Variants in ANO2 observed in about 807,000 individuals in gnomAD.
ANO2 encodes the protein anoctamin-2.
A neutral mutation model predicts 124.2 loss-of-function variants in ANO2; 101 were observed. The observed-to-expected ratio is 0.81, with a 90% CI of 0.69 to 0.96. The LOEUF (loss-of-function observed/expected upper bound fraction) is 0.96. Among genes scored for constraint, ANO2 ranks in the 40% least tolerant of loss-of-function variants. The pLI is 0.00. For synonymous variants in ANO2, 486 were observed against 482.5 expected, an observed-to-expected ratio of 1.01 and a Z score of -0.09; for missense variants, 1,293 against 1,274.5, an observed-to-expected ratio of 1.01 and a Z score of -0.22.
chr12:5,789,730 C>T (rs2137147208), intron 10 of ANO2, among the ~76,000 whole-genome samples: 1 of 152,102 alleles, frequency 6.6e-6, no homozygotes, highest in East Asian at 1.9e-4. Context: ...CTTCCAGACC[C>T]ACAGAATGCT....
intron 10 of ANO2, among the ~76,000 whole-genome samples, chr12:5,792,510 G>C (rs1952727527): frequency 1.3e-5 from 2 of 152,208 alleles, no homozygotes; most frequent in Non-Finnish European, 2.9e-5. Flanking sequence ...AAATCACTGA[G>C]TGATGCAATC....
At chr12:5,838,058 G>A (rs938402395) in intron 4 of ANO2, among the ~76,000 whole-genome samples, 2 of 152,226 alleles carry the variant, frequency 1.3e-5, no homozygotes, top group African/African-American at 4.8e-5. Context: ...AGAAGTTGAT[G>A]CAGATTTCTA....
At chr12:5,802,672 G>A (rs978176482) in intron 9 of ANO2, among the ~76,000 whole-genome samples, 3 of 152,224 alleles carry the variant, frequency 2.0e-5, no homozygotes, top group Admixed American at 6.5e-5. Context: ...GCACAGACAC[G>A]TAACAATCCC....
At position 5,921,199 on chromosome 12, in the gene ANO2, G is replaced by T; in HGVS notation, c.375C>A (p.Ile125=). Residue 125 remains isoleucine, a synonymous_variant, in exon 3 of 25, where the codon ATC becomes ATA. Coordinates refer to ENST00000682330, the MANE Select transcript of ANO2 (RefSeq NM_001364791.2). ...AQGFPGHSLA[I]VSNGETGKEP... The stretch of plus-strand genomic sequence containing the variant: ...CCTTGCCTGTCTCCCCATTGGAGAC[G>T]ATAGCCAGCGAGTGGCCAGGGAAGC... 1 of 1,613,922 alleles carries T rather than the reference G, an allele frequency of 6.2e-7. No homozygotes were observed. The highest frequency in any genetic ancestry group is 8.5e-7 in the Non-Finnish European group (1 of 1,179,850).
At chr12:5,829,454 C>T (rs1954083199) in intron 6 of ANO2, among the ~76,000 whole-genome samples, 1 of 152,170 alleles carries the variant, frequency 6.6e-6, no homozygotes, top group South Asian at 2.1e-4. Context: ...GAGTTAACGC[C>T]ATGTTTGCAG....
At chr12:5,866,279 G>C (rs372148347) in intron 3 of ANO2, among the ~76,000 whole-genome samples, 21 of 152,304 alleles carry the variant, frequency 1.4e-4, no homozygotes, top group East Asian at 1.2e-3. Context: ...CAGCAAGGGG[G>C]ATCAGTGAGA....
At chr12:5,765,306 G>C (rs536512575) in intron 10 of ANO2, among the ~76,000 whole-genome samples, 1 of 152,330 alleles carries the variant, frequency 6.6e-6, no homozygotes, top group East Asian at 1.9e-4. Flanking sequence ...CCCGGGAACA[G>C]TAACTACTCA....
chr12:5,812,704 A>AAAG (rs796202384), intron 7 of ANO2, among the ~76,000 whole-genome samples: 3 of 18,156 alleles, frequency 1.7e-4, no homozygotes, highest in African/African-American at 4.7e-4. Flanking sequence ...AAGAGAAAGA[A>AAAG]AAGAAGAAGA....
intron 14 of ANO2, among the ~76,000 whole-genome samples, chr12:5,667,815 AT>A (rs1230145234): frequency 1.3e-5 from 2 of 152,076 alleles, no homozygotes; most frequent in African/African-American, 4.8e-5. Flanking sequence ...TGGGTTTTCC[AT>A]TCCTGGATTA....
At chr12:5,944,855 G>A (rs546762912) in intron 1 of ANO2, among the ~76,000 whole-genome samples, 1 of 152,054 alleles carries the variant, frequency 6.6e-6, no homozygotes, top group Admixed American at 6.5e-5. Flanking sequence ...TAGGCTAAAC[G>A]TCCCCAGGAC....
At chr12:5,775,980 C>A (rs1051673336) in intron 10 of ANO2, among the ~76,000 whole-genome samples, 1 of 152,198 alleles carries the variant, frequency 6.6e-6, no homozygotes, top group Non-Finnish European at 1.5e-5. Flanking sequence ...CCCATCCTCA[C>A]GTATCATGAT....
At chr12:5,617,566 T>G (rs554802476) in intron 16 of ANO2, among the ~76,000 whole-genome samples, 157 of 151,024 alleles carry the variant, frequency 1.0e-3, no homozygotes, top group African/African-American at 3.6e-3. Context: ...TGTCACACTC[T>G]CCAGACCACA....
chr12:5,633,857 C>CGTG (rs1046566729), intron 16 of ANO2, among the ~76,000 whole-genome samples: 1 of 152,116 alleles, frequency 6.6e-6, no homozygotes, highest in Non-Finnish European at 1.5e-5. Flanking sequence ...CCTTCAGTGC[C>CGTG]GTGTTTCTCA....
intron 7 of ANO2, 41 bp downstream of exon 7, chr12:5,827,728 C>T: frequency 6.3e-7 from 1 of 1,591,476 alleles, no homozygotes; most frequent in African/African-American, 1.3e-5. Context: ...GGAGCCGCCT[C>T]AGCGCCCGTC....
At chr12:5,775,299 A>AG (rs1952198869) in intron 10 of ANO2, among the ~76,000 whole-genome samples, 4 of 151,868 alleles carry the variant, frequency 2.6e-5, no homozygotes, top group Admixed American at 2.0e-4. Flanking sequence ...AGAGAGAGAG[A>AG]AAAATTCTAC....
chr12:5,882,440 A>G (rs1321529648), intron 3 of ANO2, among the ~76,000 whole-genome samples: 5 of 152,160 alleles, frequency 3.3e-5, no homozygotes, highest in African/African-American at 1.2e-4. Flanking sequence ...CATGGACTTT[A>G]ATGGTACCTT....
chr12:5,612,961 G>C lies in ANO2; in HGVS notation c.1929-3C>G, dbSNP rs1286611341. On this transcript the variant is annotated splice_polypyrimidine_tract_variant and splice_region_variant and intron_variant, in intron 17 of 24. Transcript: ENST00000682330. ...AGCTTCCAGGCCTGCCCACAAACCT[G>C]AAATCAAACAGTGTGGGAAGAGTTA... is the stretch of plus-strand genomic sequence containing the variant. The C allele has an allele frequency of 6.2e-7, 1 of 1,613,802 alleles. No individual in the cohort carries two copies. The highest frequency in any genetic ancestry group is 8.5e-7 in the Non-Finnish European group (1 of 1,179,846).
chr12:5,647,687 T>G, intron 15 of ANO2, 40 bp downstream of exon 15: 1 of 1,444,222 alleles, frequency 6.9e-7, no homozygotes, highest in South Asian at 1.2e-5. Context: ...AGCATCTACA[T>G]GCATGCAGTC....
intron 19 of ANO2, among the ~76,000 whole-genome samples, chr12:5,600,671 T>C (rs770492445): frequency 6.6e-5 from 10 of 152,214 alleles, no homozygotes; most frequent in Admixed American, 2.0e-4. Flanking sequence ...GTACAGGGAA[T>C]GGAATTGCAG....
Sources: allele counts gnomAD v4.1 joint callset (sites outside exome capture counted in the v4.1 genomes callset), GRCh38; gene constraint gnomAD v4.1.1; transcripts MANE v1.5; gene names NCBI Gene and HGNC (gene_info 2026-07-23, HGNC 2026-07-21).